C3orf49: variants seen among roughly 807,000 people sequenced by gnomAD.
C3orf49 encodes chromosome 3 open reading frame 49.
In C3orf49, 27 loss-of-function variants were observed where a neutral mutation model predicts 13.3. The ratio of observed to expected loss-of-function variants is 2.02; its 90% CI spans 1.49 to 2.79. The LOEUF is 2.79. C3orf49 is among the 30% of genes most tolerant of loss of function. The probability of loss-of-function intolerance (pLI) is 0.00; values close to 1 mark genes in which losing one functional copy is unlikely to be tolerated. For synonymous variants in C3orf49, 87 were observed against 47.6 expected (o/e 1.83, Z -3.40); for missense variants, 242 against 134.2 (o/e 1.80, Z -3.97).
intron 1 of C3orf49, among the ~76,000 whole-genome samples, chr3:63,821,858 G>T (rs1430013781): frequency 6.6e-6 from 1 of 152,114 alleles, no homozygotes; most frequent in African/African-American, 2.4e-5. Context: ...TACTGGAAAT[G>T]TTCTGTATTC....
intron 3 of C3orf49, among the ~76,000 whole-genome samples, 173 bp downstream of exon 3, chr3:63,827,898 C>T (rs1195871525): frequency 6.6e-6 from 1 of 152,172 alleles, no homozygotes; most frequent in Non-Finnish European, 1.5e-5. Context: ...GATTCTTCTA[C>T]TTCTAAGCTC....
At chr3:63,812,970 G>C in the C3orf49 span, among the ~76,000 whole-genome samples, 1 of 152,156 alleles carries the variant, frequency 6.6e-6, no homozygotes. Flanking sequence ...TTCTATGCCT[G>C]TTGGCATGTG....
intron 3 of C3orf49, among the ~76,000 whole-genome samples, chr3:63,830,756 G>A (rs577521800): frequency 2.0e-5 from 3 of 152,200 alleles, no homozygotes; most frequent in East Asian, 3.9e-4. Context: ...GAGCTTTCTG[G>A]GGCACTGGTC....
upstream of C3orf49, among the ~76,000 whole-genome samples, chr3:63,816,841 C>T (rs1332675757): frequency 2.9e-5 from 4 of 138,574 alleles, no homozygotes; most frequent in Non-Finnish European, 6.1e-5. Context: ...GGCGCGATCT[C>T]GGCTCACTGC....
intron 5 of C3orf49, chr3:63,838,446 A>G (rs1447201880): frequency 6.2e-7 from 1 of 1,610,504 alleles, no homozygotes; most frequent in South Asian, 1.1e-5. Flanking sequence ...AGTTTTGCCC[A>G]TTGAAAATTC....
At chr3:63,839,150 A>G (rs1165495496) in intron 5 of C3orf49, among the ~76,000 whole-genome samples, 1 of 152,138 alleles carries the variant, frequency 6.6e-6, no homozygotes, top group Admixed American at 6.5e-5. Context: ...AGATTGTGCC[A>G]TTGCACTCCA....
Position 63,830,137 on chromosome 3 carries a change from C to T in C3orf49, c.571-973C>T, listed in dbSNP as rs1701514116. On this transcript the variant is annotated intron_variant, in intron 3 of 6. Coordinates refer to ENST00000295896, the MANE Select transcript of C3orf49 (RefSeq NM_001355236.2). ...GCCAGGGTACTGCAGAAGGTGTGGTCTCTTCAGTCCATACCAGCCCCAACT... is the reference window on the plus strand; with the variant it reads ...GCCAGGGTACTGCAGAAGGTGTGGTTTCTTCAGTCCATACCAGCCCCAACT... Among the ~76,000 whole-genome samples the T allele has an allele frequency of 8.5e-5, 13 of 152,306 alleles. No homozygotes were observed. The South Asian group carries it at 2.7e-3, about 32-fold the overall frequency.
At chr3:63,786,586 G>A in the C3orf49 span, among the ~76,000 whole-genome samples, 18 of 152,280 alleles carry the variant, frequency 1.2e-4, no homozygotes, top group African/African-American at 3.6e-4. Context: ...ATACTCCGAC[G>A]TCTGTTCATC....
At chr3:63,839,577 A>G in intron 5 of C3orf49, 1 of 886,848 alleles carries the variant, frequency 1.1e-6, no homozygotes, top group South Asian at 1.5e-5. Context: ...TGAAAATTTG[A>G]TCTACTCACA....
chr3:63,811,400 T>C, the C3orf49 span, among the ~76,000 whole-genome samples: 1 of 151,376 alleles, frequency 6.6e-6, no homozygotes, highest in East Asian at 2.0e-4. Flanking sequence ...ATATTAAAAA[T>C]ACAAAAAACT....
chr3:63,785,418 C>A, the C3orf49 span, among the ~76,000 whole-genome samples: 11 of 152,088 alleles, frequency 7.2e-5, no homozygotes, highest in Admixed American at 4.6e-4. Context: ...GGATATATCC[C>A]ATCCTCAGCT....
At chr3:63,845,707 C>T (rs145973952) in intron 6 of C3orf49, among the ~76,000 whole-genome samples, 24 of 152,178 alleles carry the variant, frequency 1.6e-4, no homozygotes, top group East Asian at 3.9e-4. Context: ...TTGGTCAAGG[C>T]GATCTCAAAG....
intron 6 of C3orf49, among the ~76,000 whole-genome samples, chr3:63,845,924 T>C (rs1045994139): frequency 6.6e-6 from 1 of 152,222 alleles, no homozygotes; most frequent in African/African-American, 2.4e-5. Context: ...ATGTTCCACA[T>C]GAAAAAGACT....
intron 3 of C3orf49, among the ~76,000 whole-genome samples, chr3:63,828,700 T>C (rs1701496528): frequency 6.6e-6 from 1 of 152,212 alleles, no homozygotes; most frequent in African/African-American, 2.4e-5. Flanking sequence ...ACCTTAAAGC[T>C]ATGTTCCAAA....
the C3orf49 span, among the ~76,000 whole-genome samples, chr3:63,790,695 A>C: frequency 2.7e-5 from 4 of 150,368 alleles, no homozygotes; most frequent in Admixed American, 1.3e-4. Context: ...ATTCTTTCAC[A>C]TCTTCCCATT....
intron 5 of C3orf49, chr3:63,834,113 T>C: frequency 6.2e-7 from 1 of 1,612,924 alleles, no homozygotes; most frequent in South Asian, 1.1e-5. Flanking sequence ...TTCCTGGGAG[T>C]GGTGGGCAAT....
chr3:63,827,532 T>C, intron 2 of C3orf49, 69 bp from the exon 3 acceptor site: 2 of 643,966 alleles, frequency 3.1e-6, no homozygotes, highest in South Asian at 3.5e-5. Flanking sequence ...AAGAATACTG[T>C]ATTTTTAACA....
At chr3:63,804,127 G>A in the C3orf49 span, among the ~76,000 whole-genome samples, 1 of 152,148 alleles carries the variant, frequency 6.6e-6, no homozygotes, top group Non-Finnish European at 1.5e-5. Flanking sequence ...GGGAACAGCT[G>A]TAAATACAGA....
chr3:63,843,184 T>C (rs1332375224), intron 5 of C3orf49, among the ~76,000 whole-genome samples: 2 of 152,148 alleles, frequency 1.3e-5, no homozygotes, highest in East Asian at 1.9e-4. Context: ...AGTGGCATGA[T>C]CTCGGCTTAC....
Sources: gnomAD v4.1 joint callset for allele counts (sites outside exome capture counted in the v4.1 genomes callset) on GRCh38, gnomAD v4.1.1 for gene constraint, MANE v1.5 for transcripts, NCBI Gene and HGNC (gene_info 2026-07-23, HGNC 2026-07-21) for gene names.